Variants in L3MBTL3 observed in about 807,000 individuals in gnomAD.
The protein encoded by L3MBTL3 is lethal(3)malignant brain tumor-like protein 3.
A neutral mutation model predicts 102.3 loss-of-function variants in L3MBTL3; 27 were observed. The observed-to-expected ratio is 0.26, with a 90% CI of 0.19 to 0.36. The LOEUF (loss-of-function observed/expected upper bound fraction) is 0.36. Ranked by LOEUF, L3MBTL3 falls within the 10% of genes least tolerant of loss-of-function variation. The pLI, the probability that L3MBTL3 is intolerant of heterozygous loss-of-function variation, is 1.00. For missense variants in L3MBTL3, 798 were observed against 955.3 expected (o/e 0.84, Z 2.17); for synonymous variants, 340 against 320.9 (o/e 1.06, Z -0.64).
Position 130,139,843 on chromosome 6 carries a change from A to G in L3MBTL3, c.*90A>G. On this transcript the variant is annotated 3_prime_UTR_variant, in exon 23 of 23. Coordinates refer to ENST00000361794, the MANE Select transcript of L3MBTL3 (RefSeq NM_032438.4). ...GGACGGTTATAACTCCTAAGTGAGA[A>G]GTCTCCAAAACTCAAAAGAGCAACA... The G allele has an allele frequency of 8.2e-7, 1 of 1,224,776 alleles. No individual in the cohort carries two copies. The highest frequency in any genetic ancestry group is 1.5e-5 in the African/African-American group (1 of 66,276). 75.9% of individuals were successfully genotyped at this position (1,224,776 alleles called of 1,614,324 possible). A position where few individuals can be genotyped will look rare whatever the true frequency, so the allele number is the denominator to read the frequency against.
At chr6:130,054,896 G>GCGGTCA (rs1781360815) in intron 7 of L3MBTL3, among the ~76,000 whole-genome samples, 2 of 152,234 alleles carry the variant, frequency 1.3e-5, no homozygotes, top group Admixed American at 6.5e-5. Context: ...TCAGAGCAGA[G>GCGGTCA]CGGTCACGCA....
At chr6:130,031,992 G>A (rs1052719208) in intron 2 of L3MBTL3, among the ~76,000 whole-genome samples, 1 of 152,134 alleles carries the variant, frequency 6.6e-6, no homozygotes, top group East Asian at 1.9e-4. Flanking sequence ...GCTCACTGAA[G>A]CCTGAAACTC....
chr6:130,065,734 C>A (rs963579786), intron 10 of L3MBTL3, among the ~76,000 whole-genome samples: 2 of 152,138 alleles, frequency 1.3e-5, no homozygotes, highest in African/African-American at 4.8e-5. Flanking sequence ...GTCTCGTAAG[C>A]CTATATGACC....
intron 20 of L3MBTL3, among the ~76,000 whole-genome samples, chr6:130,128,160 A>T (rs1485436901): frequency 1.3e-5 from 2 of 152,122 alleles, no homozygotes; most frequent in Non-Finnish European, 2.9e-5. Flanking sequence ...ACTGTTATAA[A>T]TGTTTTTGCA....
intron 19 of L3MBTL3, among the ~76,000 whole-genome samples, chr6:130,116,655 A>T (rs1785701169): frequency 6.6e-6 from 1 of 152,118 alleles, no homozygotes. Context: ...TGGGAGGCTG[A>T]GGCTGGAGAA....
chr6:130,127,510 A>G (rs946327467), intron 20 of L3MBTL3, among the ~76,000 whole-genome samples: 1 of 152,234 alleles, frequency 6.6e-6, no homozygotes, highest in Non-Finnish European at 1.5e-5. Flanking sequence ...CTGATACAGT[A>G]CAGTGCTGAA....
rs566574732 is a variant in L3MBTL3, at chr6:130,021,527, G to A, written c.-94-700G>A. ...ACAATTGTTTGCTTTTGCATTTATC[G>A]GTGTCTGTACCTCTGATCAATTTTT... On this transcript the variant is annotated intron_variant, in intron 1 of 22. Coordinates refer to ENST00000361794, the MANE Select transcript of L3MBTL3 (RefSeq NM_032438.4). 5.9e-5 allele frequency among the ~76,000 whole-genome samples: 9 copies of A among 152,260 alleles called. 1 individual carries two copies. The South Asian group carries it at 1.9e-3, about 32-fold the overall frequency.
intron 13 of L3MBTL3, among the ~76,000 whole-genome samples, chr6:130,074,099 C>G (rs1269538574): frequency 6.6e-6 from 1 of 152,112 alleles, no homozygotes; most frequent in Non-Finnish European, 1.5e-5. Flanking sequence ...ATTGAGGTTA[C>G]AGATTGGGTT....
chr6:130,082,767 AG>A, intron 14 of L3MBTL3, among the ~76,000 whole-genome samples: 2 of 152,206 alleles, frequency 1.3e-5, no homozygotes, highest in African/African-American at 4.8e-5. Context: ...CAGGCCTTTA[AG>A]CTGATATAGC....
chr6:130,139,047 A>AT (rs1392990566), intron 22 of L3MBTL3, among the ~76,000 whole-genome samples: 1 of 152,062 alleles, frequency 6.6e-6, no homozygotes, highest in Non-Finnish European at 1.5e-5. Flanking sequence ...CCAGCCTCAC[A>AT]TTCACTGTTT....
chr6:130,053,639 A>G (rs1030262256), intron 7 of L3MBTL3, among the ~76,000 whole-genome samples: 4 of 151,972 alleles, frequency 2.6e-5, no homozygotes, highest in Non-Finnish European at 5.9e-5. Context: ...TGTCTCAAAA[A>G]AAAAAAACAA....
At chr6:130,085,754 C>CT (rs1008355214) in intron 15 of L3MBTL3, among the ~76,000 whole-genome samples, 16 of 152,000 alleles carry the variant, frequency 1.1e-4, no homozygotes, top group African/African-American at 3.6e-4. Flanking sequence ...CCAGCTATTT[C>CT]TTTTTTTAAT....
At chr6:130,092,071 T>C (rs994791702) in intron 16 of L3MBTL3, among the ~76,000 whole-genome samples, 1 of 152,148 alleles carries the variant, frequency 6.6e-6, no homozygotes, top group East Asian at 1.9e-4. Context: ...TACCCTGATT[T>C]GATCATTATA....
At chr6:130,119,266 G>A (rs1430070366) in intron 19 of L3MBTL3, among the ~76,000 whole-genome samples, 1 of 152,118 alleles carries the variant, frequency 6.6e-6, no homozygotes, top group African/African-American at 2.4e-5. Context: ...TATGACTGTA[G>A]TGTATGGTTT....
At chr6:130,057,561 C>T (rs1485311125) in intron 9 of L3MBTL3, 64 bp downstream of exon 9, 10 of 1,264,848 alleles carry the variant, frequency 7.9e-6, no homozygotes, top group Middle Eastern at 1.9e-4. Flanking sequence ...GCCTGAATTA[C>T]GATTGTTGTT....
intron 2 of L3MBTL3, among the ~76,000 whole-genome samples, chr6:130,027,169 A>G (rs1345102689): frequency 6.6e-6 from 1 of 152,188 alleles, no homozygotes; most frequent in African/African-American, 2.4e-5. Flanking sequence ...GTTACGGTGG[A>G]TCAGGCAGTT....
intron 2 of L3MBTL3, among the ~76,000 whole-genome samples, chr6:130,036,241 A>G (rs924288156): frequency 6.6e-6 from 1 of 152,210 alleles, no homozygotes; most frequent in Non-Finnish European, 1.5e-5. Flanking sequence ...TTAAAATAAT[A>G]TTGGTTCCTG....
chr6:130,034,289 G>A (rs959042398), intron 2 of L3MBTL3, among the ~76,000 whole-genome samples: 4 of 152,052 alleles, frequency 2.6e-5, no homozygotes, highest in Admixed American at 6.6e-5. Context: ...AGCCAGTCAC[G>A]ATTCTCAACT....
chr6:130,038,566 C>T (rs9375696), intron 2 of L3MBTL3, among the ~76,000 whole-genome samples: 73,542 of 151,868 alleles, frequency 0.48, 20,674 homozygotes, highest in East Asian at 0.76. Context: ...TTGTATGTCC[C>T]CTTTTGAGAA....
Sources: allele counts gnomAD v4.1 joint callset (sites outside exome capture counted in the v4.1 genomes callset), GRCh38; gene constraint gnomAD v4.1.1; transcripts MANE v1.5; gene names NCBI Gene and HGNC (gene_info 2026-07-23, HGNC 2026-07-21).